The following TNIK variants were observed in gnomAD, a reference collection of about 807,000 sequenced individuals.
TNIK encodes TRAF2 and NCK interacting kinase, also known as TRAF2 and NCK-interacting protein kinase.
Under a neutral mutation model 191.3 loss-of-function variants are expected in TNIK, and 49 were observed. That is an observed-to-expected ratio of 0.26 (90% CI 0.20 to 0.32). The LOEUF is 0.32. Among genes scored for constraint, TNIK ranks in the 10% least tolerant of loss-of-function variants. The pLI, the probability that TNIK is intolerant of heterozygous loss-of-function variation, is 1.00. For missense variants in TNIK, 1,155 were observed against 1,702.3 expected (o/e 0.68, Z 5.66); for synonymous variants, 594 against 600.9 (o/e 0.99, Z 0.17).
chr3:171,292,514 C>T (rs1055080186), intron 2 of TNIK, among the ~76,000 whole-genome samples: 17 of 152,272 alleles, frequency 1.1e-4, no homozygotes, highest in African/African-American at 3.9e-4. Flanking sequence ...GCCAGACTCA[C>T]GCCTGTAATC....
intron 1 of TNIK, among the ~76,000 whole-genome samples, chr3:171,403,181 G>T (rs1348104726): frequency 6.6e-6 from 1 of 152,176 alleles, no homozygotes; most frequent in Non-Finnish European, 1.5e-5. Flanking sequence ...AGAAGAAATG[G>T]CCCCAACAAG....
At chr3:171,438,502 AC>A (rs1411925957) in intron 1 of TNIK, among the ~76,000 whole-genome samples, 1 of 152,232 alleles carries the variant, frequency 6.6e-6, no homozygotes, top group African/African-American at 2.4e-5. Flanking sequence ...CGTGTTAGGC[AC>A]ACTGCAGAAT....
intron 2 of TNIK, among the ~76,000 whole-genome samples, chr3:171,244,065 T>G (rs866712851): frequency 2.7e-5 from 4 of 150,748 alleles, no homozygotes; most frequent in South Asian, 2.1e-4. Flanking sequence ...AAATAGTTTT[T>G]TTTTTTTTTT....
intron 15 of TNIK, among the ~76,000 whole-genome samples, chr3:171,134,530 C>T (rs746993748): frequency 6.6e-6 from 1 of 152,194 alleles, no homozygotes; most frequent in Admixed American, 6.5e-5. Flanking sequence ...AGAGATCCTC[C>T]TGCTTTTGCC....
chr3:171,267,287 C>T (rs998650162), intron 2 of TNIK, among the ~76,000 whole-genome samples: 1 of 152,150 alleles, frequency 6.6e-6, no homozygotes, highest in African/African-American at 2.4e-5. Context: ...GTAAGGGCTG[C>T]TCTCTTTACC....
At chr3:171,322,802 G>GTT (rs11415415) in intron 2 of TNIK, among the ~76,000 whole-genome samples, 35 of 143,916 alleles carry the variant, frequency 2.4e-4, no homozygotes, top group South Asian at 8.9e-4. Flanking sequence ...TGTTATTAGT[G>GTT]TTTTTTTTGT....
intron 2 of TNIK, among the ~76,000 whole-genome samples, chr3:171,244,713 C>A (rs1745393357): frequency 6.6e-6 from 1 of 151,750 alleles, no homozygotes. Flanking sequence ...TAGAAATGAA[C>A]TTCATTATTG....
intron 26 of TNIK, among the ~76,000 whole-genome samples, chr3:171,083,771 G>A (rs1720982288): frequency 6.6e-6 from 1 of 152,124 alleles, no homozygotes; most frequent in South Asian, 2.1e-4. Context: ...GATGTGGTAT[G>A]GATCATGGAG....
chr3:171,363,561 C>G (rs1715282724), intron 2 of TNIK, among the ~76,000 whole-genome samples: 1 of 152,202 alleles, frequency 6.6e-6, no homozygotes, highest in African/African-American at 2.4e-5. Context: ...CATACTCACT[C>G]CTTGCCAAAC....
intron 10 of TNIK, among the ~76,000 whole-genome samples, chr3:171,161,761 A>T (rs562717827): frequency 5.7e-4 from 86 of 151,988 alleles, no homozygotes; most frequent in Non-Finnish European, 9.1e-4. Context: ...TACTAAAAAT[A>T]CAAAAAAAAT....
rs78339834 is a variant in TNIK at position 171,359,868 on chromosome 3, G to A, written c.123+9752C>T. Among the ~76,000 whole-genome samples, 1,343 of 152,190 alleles carry A rather than the reference G, an allele frequency of 8.8e-3. 20 individuals carry two copies. Among genetic ancestry groups the A allele is most frequent in the African/African-American group, 0.03 (1,265 of 41,512 alleles). ...TAAATTCTGTGCCTGTAATCCTGGC[G>A]GGGTTTCATTTTACAGGTTACAAAT... On this transcript the variant is annotated intron_variant, in intron 2 of 32. Transcript: ENST00000436636.
intron 3 of TNIK, among the ~76,000 whole-genome samples, chr3:171,218,598 G>A (rs1472802567): frequency 2.7e-5 from 4 of 147,528 alleles, no homozygotes; most frequent in African/African-American, 1.0e-4. Flanking sequence ...TTTGGTTATT[G>A]GGAAAAATAA....
At chr3:171,240,242 C>T (rs761941211) in intron 2 of TNIK, among the ~76,000 whole-genome samples, 4 of 152,140 alleles carry the variant, frequency 2.6e-5, no homozygotes, top group Non-Finnish European at 5.9e-5. Context: ...ATCTTCTCTT[C>T]TCGAGCAGGT....
chr3:171,319,272 T>TG (rs1193771323), intron 2 of TNIK, among the ~76,000 whole-genome samples: 1 of 152,172 alleles, frequency 6.6e-6, no homozygotes, highest in African/African-American at 2.4e-5. Flanking sequence ...GTACTTTAGA[T>TG]TTTTTCCAGA....
intron 1 of TNIK, among the ~76,000 whole-genome samples, chr3:171,433,915 T>C: frequency 6.7e-6 from 1 of 150,128 alleles, no homozygotes; most frequent in South Asian, 2.1e-4. Flanking sequence ...TTATTAAGAA[T>C]ATCTGTTTTC....
At chr3:171,121,552 T>C (rs1727747214) in intron 18 of TNIK, among the ~76,000 whole-genome samples, 1 of 152,156 alleles carries the variant, frequency 6.6e-6, no homozygotes, top group African/African-American at 2.4e-5. Context: ...GAGCAAGAGG[T>C]ACAGCAGAAC....
At position 171,418,596 on chromosome 3, in the gene TNIK, T is replaced by C. The variant is rs147396937; in HGVS notation, c.57+41411A>G. Reference sequence around the variant, plus strand: ...ATGAAAAAAGTCAGTCACAAGATTATATGATTTCACTTGTATGAAATTTCC... The same window carrying C: ...ATGAAAAAAGTCAGTCACAAGATTACATGATTTCACTTGTATGAAATTTCC... On this transcript the variant is annotated intron_variant, in intron 1 of 32. Coordinates refer to ENST00000436636, the MANE Select transcript of TNIK (RefSeq NM_015028.4). Among the ~76,000 whole-genome samples, 5 of 152,312 alleles carry C rather than the reference T, an allele frequency of 3.3e-5. No homozygotes were observed. In the East Asian group the frequency reaches 9.6e-4, roughly 29 times the overall value.
At chr3:171,343,492 A>C (rs1711635603) in intron 2 of TNIK, among the ~76,000 whole-genome samples, 1 of 152,204 alleles carries the variant, frequency 6.6e-6, no homozygotes. Flanking sequence ...CCAGTAATTA[A>C]ATGTGCCCAG....
intron 4 of TNIK, among the ~76,000 whole-genome samples, chr3:171,209,220 AT>A (rs967393760): frequency 2.0e-5 from 3 of 151,638 alleles, no homozygotes; most frequent in African/African-American, 7.3e-5. Context: ...AATGGTATCT[AT>A]TTTTTTCTTG....
Sources: gnomAD v4.1 joint callset for allele counts (sites outside exome capture counted in the v4.1 genomes callset) on GRCh38, gnomAD v4.1.1 for gene constraint, MANE v1.5 for transcripts, NCBI Gene and HGNC (gene_info 2026-07-23, HGNC 2026-07-21) for gene names.